The following EVL variants were observed in gnomAD, a reference collection of about 807,000 sequenced individuals.
EVL encodes the protein ena/VASP-like protein.
In EVL, 21 loss-of-function variants were observed where a neutral mutation model predicts 59.6. The observed-to-expected ratio is 0.35, with a 90% CI of 0.25 to 0.51. The LOEUF is 0.51. Among genes scored for constraint, EVL ranks in the 20% least tolerant of loss-of-function variants. EVL has a pLI of 0.97. For missense variants in EVL, 462 were observed against 546.6 expected, an observed-to-expected ratio of 0.85 and a Z score of 1.54; for synonymous variants, 198 against 203.5, an observed-to-expected ratio of 0.97 and a Z score of 0.23.
At chr14:100,051,695 A>C (rs1202235410) in intron 1 of EVL, among the ~76,000 whole-genome samples, 2 of 152,130 alleles carry the variant, frequency 1.3e-5, no homozygotes, top group Non-Finnish European at 2.9e-5. Context: ...TTACTATTGC[A>C]TTAGCACAGC....
At chr14:100,039,488 C>T (rs746969359) in intron 1 of EVL, among the ~76,000 whole-genome samples, 1 of 152,224 alleles carries the variant, frequency 6.6e-6, no homozygotes, top group Non-Finnish European at 1.5e-5. Flanking sequence ...CCACCCACCT[C>T]AGCCTCCCAA....
intron 1 of EVL, chr14:100,074,987 G>T (rs994093344): frequency 2.4e-4 from 37 of 152,366 alleles, no homozygotes; most frequent in African/African-American, 8.4e-4. Flanking sequence ...GCCTCCAGAT[G>T]GCAGGAGGCA....
chr14:100,088,373 C>G (rs965838711), intron 2 of EVL, among the ~76,000 whole-genome samples: 2 of 152,200 alleles, frequency 1.3e-5, no homozygotes, highest in African/African-American at 4.8e-5. Flanking sequence ...GAAGGCAGTA[C>G]AGTCATGCAC....
chr14:100,141,851 C>T (rs1366204823), intron 13 of EVL, 58 bp downstream of exon 13: 2 of 1,557,468 alleles, frequency 1.3e-6, no homozygotes, highest in African/African-American at 1.4e-5. Flanking sequence ...GACAAGGGTC[C>T]CTGTCACCCA....
chr14:100,026,231 GA>G (rs368516400), intron 1 of EVL, among the ~76,000 whole-genome samples: 37,122 of 132,004 alleles, frequency 0.28, 7,542 homozygotes, highest in African/African-American at 0.59. Flanking sequence ...AGTGTCTCAG[GA>G]AAAAAAAAAA....
At chr14:100,020,843 T>A (rs1427818130) in intron 1 of EVL, among the ~76,000 whole-genome samples, 1 of 152,220 alleles carries the variant, frequency 6.6e-6, no homozygotes, top group Admixed American at 6.5e-5. Context: ...TGTTTAGTCG[T>A]GTGTCTCTGC....
intron 1 of EVL, among the ~76,000 whole-genome samples, chr14:99,978,728 C>T (rs2060786735): frequency 6.6e-6 from 1 of 152,044 alleles, no homozygotes; most frequent in Non-Finnish European, 1.5e-5. Flanking sequence ...CCTTTTTGTT[C>T]AGTCCTAAAT....
At chr14:100,018,179 G>A (rs923921098) in intron 1 of EVL, among the ~76,000 whole-genome samples, 2 of 152,218 alleles carry the variant, frequency 1.3e-5, no homozygotes, top group Admixed American at 1.3e-4. Flanking sequence ...CACGCAGGTG[G>A]CAGCCAAGAA....
intron 13 of EVL, chr14:100,142,055 G>A (rs771369122): frequency 2.8e-6 from 1 of 359,156 alleles, no homozygotes; most frequent in Non-Finnish European, 5.2e-6. Context: ...CTTCCTGGAA[G>A]ACCCACGTGG....
At chr14:100,062,224 A>ATG (rs1394447617), upstream of EVL, among the ~76,000 whole-genome samples, 4 of 1,674 alleles carry the variant, frequency 2.4e-3, no homozygotes, top group Non-Finnish European at 0.01. Flanking sequence ...ATATATATGT[A>ATG]TATATATATA....
At chr14:100,141,043 G>T in intron 11 of EVL, 137 bp from the exon 12 acceptor site, 1 of 699,964 alleles carries the variant, frequency 1.4e-6, no homozygotes. Context: ...GCAGTCTGAG[G>T]TGGCCAGAGT....
At chr14:100,086,626 C>G (rs1002061567) in intron 2 of EVL, among the ~76,000 whole-genome samples, 2 of 152,228 alleles carry the variant, frequency 1.3e-5, no homozygotes, top group African/African-American at 2.4e-5. Flanking sequence ...CTCAGCACCT[C>G]ACAGCCTCCT....
At chr14:100,113,542 C>T (rs1887135956) in intron 3 of EVL, among the ~76,000 whole-genome samples, 1 of 152,140 alleles carries the variant, frequency 6.6e-6, no homozygotes, top group South Asian at 2.1e-4. Context: ...CCACTAGAAT[C>T]AGTCTGCTCA....
At chr14:100,107,122 A>G in intron 3 of EVL, 1 of 398,804 alleles carries the variant, frequency 2.5e-6, no homozygotes, top group East Asian at 3.6e-5. Flanking sequence ...TGTGGCCTTC[A>G]GGGCCGTGCC....
At chr14:100,141,108 G>A in intron 11 of EVL, 72 bp from the exon 12 acceptor site, 1 of 1,501,778 alleles carries the variant, frequency 6.7e-7, no homozygotes, top group South Asian at 1.2e-5. Flanking sequence ...AGCCTGAGCG[G>A]GGCCTCTGCA....
At chr14:100,012,760 A>C (rs977699213) in intron 1 of EVL, among the ~76,000 whole-genome samples, 2 of 152,158 alleles carry the variant, frequency 1.3e-5, no homozygotes, top group Non-Finnish European at 2.9e-5. Context: ...TTCTCTTGAG[A>C]TGTTTTTGAT....
intron 1 of EVL, among the ~76,000 whole-genome samples, chr14:100,051,396 T>G (rs989853261): frequency 1.3e-5 from 2 of 152,222 alleles, no homozygotes; most frequent in African/African-American, 2.4e-5. Flanking sequence ...ACTGGGGGCC[T>G]TGGAACATAT....
intron 4 of EVL, among the ~76,000 whole-genome samples, chr14:100,125,958 G>A (rs1366090258): frequency 1.3e-5 from 2 of 152,186 alleles, no homozygotes; most frequent in African/African-American, 4.8e-5. Flanking sequence ...ACAATCCTTA[G>A]CCCTGTGTTT....
exon 1 of EVL, chr14:99,971,920 G>T (rs1476820531): frequency 1.4e-5 from 2 of 146,844 alleles, no homozygotes; most frequent in African/African-American, 2.5e-5. Context: ...GCTGCCCCCC[G>T]CAGCCCAGTC....
Sources: allele counts gnomAD v4.1 joint callset (sites outside exome capture counted in the v4.1 genomes callset), GRCh38; gene constraint gnomAD v4.1.1; transcripts MANE v1.5; gene names NCBI Gene and HGNC (gene_info 2026-07-23, HGNC 2026-07-21).